The following MYO5B variants were observed in gnomAD, a reference collection of about 807,000 sequenced individuals.
MYO5B encodes the protein unconventional myosin-Vb.
MYO5B carries 143 observed loss-of-function variants against 229.3 expected under a neutral mutation model. That is an observed-to-expected ratio of 0.62 (90% CI 0.54 to 0.72). MYO5B has a LOEUF of 0.72. Among genes scored for constraint, MYO5B ranks in the 30% least tolerant of loss-of-function variants. The pLI is 0.00. For synonymous variants in MYO5B, 918 were observed against 885.2 expected, an observed-to-expected ratio of 1.04 and a Z score of -0.66; for missense variants, 2,321 against 2,331.0, an observed-to-expected ratio of 1.00 and a Z score of 0.09.
At chr18:50,035,452 T>C (rs1326676663) in intron 4 of MYO5B, among the ~76,000 whole-genome samples, 2 of 152,226 alleles carry the variant, frequency 1.3e-5, no homozygotes, top group Non-Finnish European at 2.9e-5. Context: ...GAAGTGCATG[T>C]AGACTCAGGT....
intron 21 of MYO5B, among the ~76,000 whole-genome samples, chr18:49,900,316 T>C (rs752920752): frequency 1.3e-5 from 2 of 152,242 alleles, no homozygotes; most frequent in African/African-American, 2.4e-5. Context: ...TCTGAGTGGA[T>C]GTGCCCTCCT....
In MYO5B at chr18:49,826,383, G is replaced by T; in HGVS notation, c.*88C>A. 6.7e-7 allele frequency: 1 copy of T among 1,503,488 alleles called. No homozygotes were observed. The allele number at this position is 1,503,488 out of a possible 1,614,324, so 93.1% of individuals were successfully genotyped here. A position where few individuals can be genotyped will look rare whatever the true frequency, so the allele number is the denominator to read the frequency against. On this transcript the variant is annotated 3_prime_UTR_variant, in exon 40 of 40. Transcript: ENST00000285039. Reference sequence around the variant, plus strand: ...TCTCTGATTTGATCTACTTTTACCAGATTTAACAGATCCTTGAATTTACTT... The same window carrying T: ...TCTCTGATTTGATCTACTTTTACCATATTTAACAGATCCTTGAATTTACTT...
rs577839919 is a variant in MYO5B at position 50,147,141 on chromosome 18, A to G, written c.27+47626T>C. Among the ~76,000 whole-genome samples the G allele has an allele frequency of 2.2e-4, 34 of 152,306 alleles. 1 individual carries two copies. In the South Asian group the frequency reaches 7.0e-3, roughly 32 times the overall value. The stretch of plus-strand genomic sequence containing the variant: ...TCTTGAGCTCTAGAACAGTATGTCC[A>G]AAAGCTCACAGGCCAACCCTACCCT... On this transcript the variant is annotated intron_variant, in intron 1 of 39. Transcript: ENST00000285039.
chr18:49,938,211 G>C (rs1455379632), intron 14 of MYO5B, among the ~76,000 whole-genome samples: 3 of 152,094 alleles, frequency 2.0e-5, no homozygotes, highest in Non-Finnish European at 4.4e-5. Flanking sequence ...CATCAGAATA[G>C]GGATAAGCCT....
At chr18:50,102,466 C>T (rs1415980316) in intron 1 of MYO5B, among the ~76,000 whole-genome samples, 1 of 152,104 alleles carries the variant, frequency 6.6e-6, no homozygotes, top group East Asian at 1.9e-4. Flanking sequence ...AGGTAAGGAA[C>T]CTCCTCAATG....
chr18:50,091,923 C>T (rs1473338850), intron 1 of MYO5B, among the ~76,000 whole-genome samples: 1 of 152,182 alleles, frequency 6.6e-6, no homozygotes, highest in Non-Finnish European at 1.5e-5. Context: ...GGACCATCCT[C>T]AAAAGTTTGT....
At chr18:50,055,553 A>G (rs1353747264) in intron 1 of MYO5B, among the ~76,000 whole-genome samples, 175 bp from the exon 2 acceptor site, 1 of 152,196 alleles carries the variant, frequency 6.6e-6, no homozygotes, top group Non-Finnish European at 1.5e-5. Context: ...ACAGGGGAAC[A>G]ACTCACAGGA....
intron 1 of MYO5B, among the ~76,000 whole-genome samples, chr18:50,089,679 A>C (rs2031405159): frequency 6.6e-6 from 1 of 152,122 alleles, no homozygotes; most frequent in South Asian, 2.1e-4. Flanking sequence ...GATGGAAAGG[A>C]AAAGAGGTCC....
chr18:50,090,958 C>G (rs1279872518), intron 1 of MYO5B, among the ~76,000 whole-genome samples: 1 of 152,246 alleles, frequency 6.6e-6, no homozygotes, highest in African/African-American at 2.4e-5. Context: ...CCAGGACAGC[C>G]TGCACAGCCT....
chr18:50,150,620 G>C (rs1056425625), intron 1 of MYO5B, among the ~76,000 whole-genome samples: 25 of 152,240 alleles, frequency 1.6e-4, no homozygotes, highest in African/African-American at 6.0e-4. Context: ...ATTCATAGGT[G>C]GGAATTGAAC....
At position 50,085,581 on chromosome 18, in the gene MYO5B, T is replaced by C. The variant is rs1018931605; in HGVS notation, c.28-30203A>G. On this transcript the variant is annotated intron_variant, in intron 1 of 39. Coordinates refer to ENST00000285039, the MANE Select transcript of MYO5B (RefSeq NM_001080467.3). ...CATTACTGGGTATATACCCAAAGGA[T>C]TATAAATCATGCTGCTATAAAGACA... Among the ~76,000 whole-genome samples, 32 of 152,244 alleles carry C rather than the reference T, an allele frequency of 2.1e-4. No individual in the cohort carries two copies. The East Asian group carries it at 6.0e-3, about 29-fold the overall frequency.
At chr18:49,914,019 C>T (rs2024985941) in intron 17 of MYO5B, among the ~76,000 whole-genome samples, 1 of 152,118 alleles carries the variant, frequency 6.6e-6, no homozygotes, top group Non-Finnish European at 1.5e-5. Flanking sequence ...CTCCACCACT[C>T]AATAACCACC....
In MYO5B at chr18:50,062,647, C is replaced by CA. The variant is rs1311147765; in HGVS notation, c.28-7270dup. 5.3e-5 allele frequency among the ~76,000 whole-genome samples: 8 copies of CA among 152,214 alleles called. No individual in the cohort carries two copies. In the East Asian group the frequency reaches 1.5e-3, roughly 29 times the overall value. The stretch of plus-strand genomic sequence containing the variant: ...CCCTGCACCCCCTCCCAGTAGAACT[C>CA]ACAATCATTTCTACAGGTACCGCTG... On this transcript the variant is annotated intron_variant, in intron 1 of 39. Transcript: ENST00000285039.
chr18:50,041,315 G>A (rs546702980), intron 2 of MYO5B, among the ~76,000 whole-genome samples: 2 of 152,074 alleles, frequency 1.3e-5, no homozygotes, highest in Non-Finnish European at 2.9e-5. Flanking sequence ...AAATTCTATG[G>A]ACACAGACTC....
At chr18:50,108,317 G>C (rs2031799081) in intron 1 of MYO5B, among the ~76,000 whole-genome samples, 1 of 152,218 alleles carries the variant, frequency 6.6e-6, no homozygotes, top group African/African-American at 2.4e-5. Flanking sequence ...CTTCACAGAA[G>C]TGTGTACTGT....
chr18:49,938,783 T>C (rs2025279550), intron 14 of MYO5B, among the ~76,000 whole-genome samples: 1 of 152,184 alleles, frequency 6.6e-6, no homozygotes, highest in African/African-American at 2.4e-5. Flanking sequence ...TTGCTTACTG[T>C]GCTATTTTTA....
intron 10 of MYO5B, among the ~76,000 whole-genome samples, chr18:49,966,990 T>G (rs561789594): frequency 7.2e-4 from 109 of 152,322 alleles, no homozygotes; most frequent in South Asian, 3.5e-3. Context: ...ACACAATGAA[T>G]CAATTTATAG....
chr18:49,860,848 A>G (rs1186105153), intron 29 of MYO5B, among the ~76,000 whole-genome samples: 2 of 152,266 alleles, frequency 1.3e-5, no homozygotes, highest in East Asian at 3.8e-4. Flanking sequence ...GGAAAACTGT[A>G]GGAAACGCAG....
At chr18:49,974,786 C>CACACACACAG (rs1555648468) in intron 9 of MYO5B, among the ~76,000 whole-genome samples, 171 bp from the exon 10 acceptor site, 1 of 124,274 alleles carries the variant, frequency 8.0e-6, no homozygotes, top group East Asian at 3.3e-4. Flanking sequence ...CTCTCACACA[C>CACACACACAG]ACACACACAC....
Sources: gnomAD v4.1 joint callset for allele counts (sites outside exome capture counted in the v4.1 genomes callset) on GRCh38, gnomAD v4.1.1 for gene constraint, MANE v1.5 for transcripts, NCBI Gene and HGNC (gene_info 2026-07-23, HGNC 2026-07-21) for gene names.